The following MAGI3 variants were observed in gnomAD, a reference collection of about 807,000 sequenced individuals.
MAGI3 encodes membrane-associated guanylate kinase, WW and PDZ domain-containing protein 3.
Under a neutral mutation model 121.8 loss-of-function variants are expected in MAGI3, and 43 were observed. The ratio of observed to expected loss-of-function variants is 0.35; its 90% CI spans 0.28 to 0.46. The LOEUF (loss-of-function observed/expected upper bound fraction) is 0.46, where lower values mean the gene tolerates loss of function less well. Ranked by LOEUF, MAGI3 falls within the 20% of genes least tolerant of loss-of-function variation. The probability of loss-of-function intolerance (pLI) is 1.00; values close to 1 mark genes in which losing one functional copy is unlikely to be tolerated. For synonymous variants in MAGI3, 553 were observed against 639.3 expected (o/e 0.86, Z 2.04); for missense variants, 1,547 against 1,797.3 (o/e 0.86, Z 2.52).
Position 113,682,917 on chromosome 1 carries a change from C to T in MAGI3, c.3349C>T (p.Pro1117Ser). 1.3e-6 allele frequency: 2 copies of T among 1,585,152 alleles called. No homozygotes were observed. Among genetic ancestry groups the T allele is most frequent in the Non-Finnish European group, 1.7e-6 (2 of 1,169,568 alleles). The change falls in exon 21 of 21, where the codon CCT (proline) becomes TCT (serine). Residue 1117 changes from proline to serine, a missense_variant. Pro to Ser is a moderately conservative substitution (Grantham distance 74). Coordinates refer to ENST00000307546, the MANE Select transcript of MAGI3 (RefSeq NM_001142782.2). ...TTTAGGTGATTGGGATATTAATAATCCTTCGTCTTCAAATGTGATTTATGA... is the reference window on the plus strand; with the variant it reads ...TTTAGGTGATTGGGATATTAATAATTCTTCGTCTTCAAATGTGATTTATGA... ...PDHGDWDINN[P>S]SSSNVIYDEQ...
chr1:113,511,034 T>A (rs1277256872), intron 1 of MAGI3, among the ~76,000 whole-genome samples: 2 of 152,226 alleles, frequency 1.3e-5, no homozygotes, highest in Non-Finnish European at 2.9e-5. Context: ...TAGCCAATAT[T>A]TTTGTAAATC....
At chr1:113,583,500 GAATTCTCAGTAAGATGTGTTT>G (rs1205252891) in intron 3 of MAGI3, among the ~76,000 whole-genome samples, 2 of 151,956 alleles carry the variant, frequency 1.3e-5, no homozygotes, top group East Asian at 3.9e-4. Context: ...TAATTACCAA[GAATTCTCAGTAAGATGTGTTT>G]CTAGTAGTAC....
rs1651891798 is a variant in MAGI3 at position 113,634,715 on chromosome 1, G to A, written c.1361-7196G>A. On this transcript the variant is annotated intron_variant, in intron 9 of 20. Coordinates refer to ENST00000307546, the MANE Select transcript of MAGI3 (RefSeq NM_001142782.2). ...GGCTTAGGATTGACTTGGCAATGTGGGCTTTTTTTTGGTTCCATATGAACT... is the reference window on the plus strand; with the variant it reads ...GGCTTAGGATTGACTTGGCAATGTGAGCTTTTTTTTGGTTCCATATGAACT... 4.6e-5 allele frequency among the ~76,000 whole-genome samples: 7 copies of A among 152,154 alleles called. No individual in the cohort carries two copies. In the South Asian group the frequency reaches 1.2e-3, roughly 27 times the overall value.
chr1:113,596,614 G>A (rs1010341924), intron 6 of MAGI3, among the ~76,000 whole-genome samples: 1 of 152,076 alleles, frequency 6.6e-6, no homozygotes, highest in Non-Finnish European at 1.5e-5. Context: ...TATAAGAACT[G>A]TTTACAACTC....
chr1:113,395,236 G>T (rs180756312), intron 1 of MAGI3, among the ~76,000 whole-genome samples: 1 of 150,604 alleles, frequency 6.6e-6, no homozygotes, highest in Non-Finnish European at 1.5e-5. Flanking sequence ...ACATTTCTTC[G>T]TACCTTTTTT....
intron 9 of MAGI3, among the ~76,000 whole-genome samples, chr1:113,627,181 T>A (rs1405821861): frequency 6.6e-6 from 1 of 152,116 alleles, no homozygotes; most frequent in African/African-American, 2.4e-5. Flanking sequence ...TTAATTCCTT[T>A]ATTGACTCAC....
Position 113,422,955 on chromosome 1 carries a change from G to A in MAGI3, c.316+31606G>A, listed in dbSNP as rs1652802901. Among the ~76,000 whole-genome samples the A allele has an allele frequency of 6.6e-6, 1 of 152,108 alleles. No individual in the cohort carries two copies. ...CAGAAACTCTGGCTTGGGGAATCCT[G>A]AGGTCTGGGCCCCCAGAAGGGTTGC... is the stretch of plus-strand genomic sequence containing the variant. On this transcript the variant is annotated intron_variant, in intron 1 of 20. Coordinates refer to ENST00000307546, the MANE Select transcript of MAGI3 (RefSeq NM_001142782.2). This position sits in a 1 kb window ranked among gnomAD's most constrained non-coding sequence, Gnocchi z 4.3.
At chr1:113,561,835 G>A (rs545308504) in intron 2 of MAGI3, among the ~76,000 whole-genome samples, 11 of 152,266 alleles carry the variant, frequency 7.2e-5, no homozygotes, top group East Asian at 5.8e-4. Flanking sequence ...CCTGTTTGCC[G>A]ATGACATGAT....
At position 113,667,022 on chromosome 1, in the gene MAGI3, A is replaced by G. The variant is rs145368663; in HGVS notation, c.2816-4712A>G. ...AATTATTCAGTAAATCATGCTGTAA[A>G]CAGATGTGCTGTCATCCAGGCTTTA... On this transcript the variant is annotated intron_variant, in intron 16 of 20. Transcript: ENST00000307546. Among the ~76,000 whole-genome samples, 761 of 152,322 alleles carry G rather than the reference A, an allele frequency of 5.0e-3. 4 individuals are homozygous for G. Among genetic ancestry groups the G allele is most frequent in the African/African-American group, 0.018 (734 of 41,562 alleles).
intron 1 of MAGI3, among the ~76,000 whole-genome samples, chr1:113,437,382 T>A (rs1250445467): frequency 2.6e-5 from 4 of 152,126 alleles, no homozygotes; most frequent in South Asian, 2.1e-4. Context: ...TCATAACTAA[T>A]TAAATGTCTT....
At chr1:113,460,551 T>C (rs1393346346) in intron 1 of MAGI3, among the ~76,000 whole-genome samples, 1 of 152,178 alleles carries the variant, frequency 6.6e-6, no homozygotes, top group African/African-American at 2.4e-5. Context: ...GGCTCACGCC[T>C]GTAATCCCAG....
At chr1:113,474,898 GTCCTCTTTTATT>G (rs1332423248) in intron 1 of MAGI3, among the ~76,000 whole-genome samples, 3 of 152,080 alleles carry the variant, frequency 2.0e-5, no homozygotes, top group African/African-American at 7.2e-5. Context: ...ATTTGTTTGT[GTCCTCTTTTATT>G]TCCTTGAGCA....
At chr1:113,553,590 G>A (rs1438846833) in intron 2 of MAGI3, among the ~76,000 whole-genome samples, 1 of 152,172 alleles carries the variant, frequency 6.6e-6, no homozygotes, top group Non-Finnish European at 1.5e-5. Context: ...GTCAGATAAA[G>A]CTCCTCTAGG....
intron 15 of MAGI3, among the ~76,000 whole-genome samples, chr1:113,654,891 G>T (rs971799068): frequency 6.6e-6 from 1 of 152,086 alleles, no homozygotes; most frequent in Admixed American, 6.6e-5. Flanking sequence ...AGACCAAGTG[G>T]TTGCTAAAAC....
chr1:113,392,115 C>A (rs1650857943), intron 1 of MAGI3, among the ~76,000 whole-genome samples: 2 of 152,308 alleles, frequency 1.3e-5, no homozygotes, highest in South Asian at 4.1e-4. Flanking sequence ...CTGCAAAGCA[C>A]GTTATGTTTA....
Position 113,458,168 on chromosome 1 carries a change from G to A in MAGI3, c.316+66819G>A, listed in dbSNP as rs187118562. On this transcript the variant is annotated intron_variant, in intron 1 of 20. Coordinates refer to ENST00000307546, the MANE Select transcript of MAGI3 (RefSeq NM_001142782.2). Reference sequence around the variant, plus strand: ...GAAGACAGACAAGAAGAAAACAAAAGTGGAAGTAGAAAGACCAGGTAGGAC... The same window carrying A: ...GAAGACAGACAAGAAGAAAACAAAAATGGAAGTAGAAAGACCAGGTAGGAC... Among the ~76,000 whole-genome samples the A allele has an allele frequency of 2.3e-3, 344 of 152,312 alleles. 2 individuals carry two copies. Among genetic ancestry groups the A allele is most frequent in the African/African-American group, 8.0e-3 (331 of 41,578 alleles).
intron 1 of MAGI3, among the ~76,000 whole-genome samples, chr1:113,442,044 C>T (rs1019514635): frequency 1.3e-5 from 2 of 152,060 alleles, no homozygotes; most frequent in African/African-American, 4.8e-5. Flanking sequence ...CCAGTGTTTT[C>T]TCAAGCAAAT....
At chr1:113,603,947 A>G (rs1570930694) in intron 6 of MAGI3, among the ~76,000 whole-genome samples, 1 of 152,176 alleles carries the variant, frequency 6.6e-6, no homozygotes, top group Non-Finnish European at 1.5e-5. Flanking sequence ...ATGAGATACC[A>G]CCTTATTCCA....
chr1:113,609,831 T>G (rs188006969), intron 6 of MAGI3, among the ~76,000 whole-genome samples: 1 of 152,228 alleles, frequency 6.6e-6, no homozygotes, highest in African/African-American at 2.4e-5. Flanking sequence ...GGGAATACTT[T>G]GGCTTCATAC....
Sources: gnomAD v4.1 joint callset for allele counts (sites outside exome capture counted in the v4.1 genomes callset) on GRCh38, gnomAD v4.1.1 for gene constraint, Gnocchi (gnomAD v3.1) non-coding constraint, MANE v1.5 for transcripts, NCBI Gene and HGNC (gene_info 2026-07-23, HGNC 2026-07-21) for gene names.